Variants in FBXO4 observed in about 807,000 individuals in gnomAD.
FBXO4 encodes the protein F-box only protein 4.
A neutral mutation model predicts 43.7 loss-of-function variants in FBXO4; 36 were observed. The observed-to-expected ratio is 0.82, with a 90% CI of 0.63 to 1.09. FBXO4 has a LOEUF of 1.09. Among genes scored for constraint, FBXO4 ranks in the 50% least tolerant of loss-of-function variants. FBXO4 has a pLI of 0.00. For missense variants in FBXO4, 435 were observed against 474.1 expected (o/e 0.92, Z 0.77); for synonymous variants, 180 against 165.6 (o/e 1.09, Z -0.67).
chr5:42,011,435 G>A, the FBXO4 span, among the ~76,000 whole-genome samples: 1 of 152,136 alleles, frequency 6.6e-6, no homozygotes, highest in Non-Finnish European at 1.5e-5. Context: ...CTGCTCATCC[G>A]GGACTTTCCA....
chr5:42,004,136 T>A, the FBXO4 span, among the ~76,000 whole-genome samples: 1 of 152,172 alleles, frequency 6.6e-6, no homozygotes. Flanking sequence ...TTTCTGTATT[T>A]CTGTAGACAC....
chr5:41,926,019 G>A (rs529803356), intron 1 of FBXO4, among the ~76,000 whole-genome samples: 1 of 152,264 alleles, frequency 6.6e-6, no homozygotes, highest in Admixed American at 6.5e-5. Flanking sequence ...GAAAATAAAT[G>A]ACTTAAGTTA....
intron 6 of FBXO4, among the ~76,000 whole-genome samples, 172 bp downstream of exon 6, chr5:41,939,788 G>T (rs867991911): frequency 5.9e-4 from 85 of 144,366 alleles, no homozygotes; most frequent in Admixed American, 7.0e-4. Context: ...CTGATCAATT[G>T]TGTCTTACTT....
the FBXO4 span, among the ~76,000 whole-genome samples, chr5:41,953,467 A>G: frequency 3.9e-5 from 6 of 152,168 alleles, no homozygotes; most frequent in African/African-American, 1.2e-4. Context: ...ATGTGTGCAC[A>G]TGTCTTTATA....
the FBXO4 span, among the ~76,000 whole-genome samples, chr5:42,029,507 T>C: frequency 6.6e-6 from 1 of 152,098 alleles, no homozygotes; most frequent in Non-Finnish European, 1.5e-5. Context: ...GGGATTCTGT[T>C]ATTATCCCTT....
the FBXO4 span, among the ~76,000 whole-genome samples, chr5:42,003,936 T>A: frequency 6.6e-6 from 1 of 152,172 alleles, no homozygotes; most frequent in Non-Finnish European, 1.5e-5. Context: ...GTATATTTAT[T>A]GCGGCAATAT....
At chr5:41,951,383 G>A in the FBXO4 span, 1 of 234,598 alleles carries the variant, frequency 4.3e-6, no homozygotes, top group South Asian at 5.7e-5. Context: ...TCGGTGGCAG[G>A]CTGAGTGCTC....
chr5:41,932,422 A>G (rs1751716708), intron 3 of FBXO4, among the ~76,000 whole-genome samples: 1 of 152,208 alleles, frequency 6.6e-6, no homozygotes, highest in African/African-American at 2.4e-5. Context: ...GCATGGTTGC[A>G]GTCTTAGTAC....
chr5:41,948,077 TA>T, the FBXO4 span, among the ~76,000 whole-genome samples: 1 of 152,170 alleles, frequency 6.6e-6, no homozygotes, highest in Non-Finnish European at 1.5e-5. Context: ...AACTAAATTT[TA>T]CATTTTATTT....
the FBXO4 span, among the ~76,000 whole-genome samples, chr5:42,039,109 G>A: frequency 3.9e-5 from 6 of 151,932 alleles, no homozygotes; most frequent in Non-Finnish European, 8.8e-5. Context: ...TGAGAGCCCC[G>A]GTATAGTAAA....
At chr5:41,990,721 T>C in the FBXO4 span, among the ~76,000 whole-genome samples, 1 of 152,066 alleles carries the variant, frequency 6.6e-6, no homozygotes, top group Admixed American at 6.6e-5. Flanking sequence ...TATTAGACCA[T>C]GGAAAGAGAA....
chr5:41,934,255 T>C lies in FBXO4; in HGVS notation c.845T>C (p.Val282Ala). 16 of 1,614,146 alleles carry C rather than the reference T, an allele frequency of 9.9e-6. No individual in the cohort carries two copies. The highest frequency in any genetic ancestry group is 1.4e-5 in the Non-Finnish European group (16 of 1,180,004). ...AGTGTGATTCCACAGATTCAAAAAG[T>C]GTGTGAAGTTGTAGATGGGTTCATC... ...RYSVIPQIQK[V>A]CEVVDGFIYV... The change falls in exon 5 of 7, where the codon GTG (valine) becomes GCG (alanine). Residue 282 changes from valine to alanine, a missense_variant. Val to Ala is a moderately conservative substitution (Grantham distance 64). Transcript: ENST00000281623.
the FBXO4 span, among the ~76,000 whole-genome samples, chr5:42,008,587 A>G: frequency 2.0e-5 from 3 of 152,258 alleles, no homozygotes; most frequent in Non-Finnish European, 4.4e-5. Flanking sequence ...AGTCATAGGA[A>G]TCACACCCAT....
At chr5:42,039,808 A>G in the FBXO4 span, among the ~76,000 whole-genome samples, 1 of 152,122 alleles carries the variant, frequency 6.6e-6, no homozygotes, top group African/African-American at 2.4e-5. Context: ...AATGGAGATT[A>G]TACTAGTGGG....
At chr5:41,943,456 T>G (rs1246112499), downstream of FBXO4, among the ~76,000 whole-genome samples, 2 of 152,132 alleles carry the variant, frequency 1.3e-5, no homozygotes, top group Non-Finnish European at 1.5e-5. Context: ...AATACCTACC[T>G]TGGACATAAG....
chr5:41,962,094 CTGTATT>C, the FBXO4 span, among the ~76,000 whole-genome samples: 1 of 152,088 alleles, frequency 6.6e-6, no homozygotes, highest in African/African-American at 2.4e-5. Flanking sequence ...GGCTAGCTGT[CTGTATT>C]TGTTTATTTG....
downstream of FBXO4, among the ~76,000 whole-genome samples, chr5:41,943,480 A>G (rs919566236): frequency 2.0e-5 from 3 of 152,160 alleles, no homozygotes; most frequent in Non-Finnish European, 2.9e-5. Context: ...TGCTTTATCA[A>G]AAACTGATGT....
At chr5:41,927,924 A>G (rs1379258659) in intron 2 of FBXO4, among the ~76,000 whole-genome samples, 1 of 152,228 alleles carries the variant, frequency 6.6e-6, no homozygotes, top group African/African-American at 2.4e-5. Context: ...ATGACATTAT[A>G]TATCTGGATA....
chr5:41,959,362 T>C, the FBXO4 span, among the ~76,000 whole-genome samples: 1 of 151,164 alleles, frequency 6.6e-6, no homozygotes, highest in Non-Finnish European at 1.5e-5. Flanking sequence ...CTCTGTTGAC[T>C]TTTTTTCTTT....
Sources: allele counts gnomAD v4.1 joint callset (sites outside exome capture counted in the v4.1 genomes callset), GRCh38; gene constraint gnomAD v4.1.1; transcripts MANE v1.5; gene names NCBI Gene and HGNC (gene_info 2026-07-23, HGNC 2026-07-21).